The following ANKH variants were observed in gnomAD, a reference collection of about 807,000 sequenced individuals.
ANKH encodes mineralization regulator ANKH.
In ANKH, 15 loss-of-function variants were observed where a neutral mutation model predicts 49.0. That is an observed-to-expected ratio of 0.31 (90% confidence interval 0.20 to 0.47). ANKH has a LOEUF of 0.47. Ranked by LOEUF, ANKH falls within the 20% of genes least tolerant of loss-of-function variation. The probability of loss-of-function intolerance (pLI) is 1.00; values close to 1 mark genes in which losing one functional copy is unlikely to be tolerated. For missense variants in ANKH, 429 were observed against 652.0 expected (o/e 0.66, Z 3.72); for synonymous variants, 273 against 260.0 (o/e 1.05, Z -0.48).
At chr5:14,812,359 T>C (rs1200303490) in intron 1 of ANKH, among the ~76,000 whole-genome samples, 1 of 152,164 alleles carries the variant, frequency 6.6e-6, no homozygotes, top group East Asian at 1.9e-4. Context: ...ACGCACTGGC[T>C]GCCTCCTTCA....
chr5:14,733,930 G>A (rs551246146), intron 8 of ANKH, among the ~76,000 whole-genome samples: 2 of 152,324 alleles, frequency 1.3e-5, no homozygotes, highest in South Asian at 4.1e-4. Context: ...TCTGTACACT[G>A]TCTTTAAGCT....
intron 1 of ANKH, among the ~76,000 whole-genome samples, chr5:14,819,019 C>T (rs764470916): frequency 1.3e-5 from 2 of 152,052 alleles, no homozygotes; most frequent in Non-Finnish European, 2.9e-5. Flanking sequence ...ACACAGAGAC[C>T]GAAAGTGGCT....
intron 1 of ANKH, among the ~76,000 whole-genome samples, chr5:14,842,452 AT>A (rs1363886433): frequency 1.3e-5 from 2 of 152,150 alleles, no homozygotes; most frequent in Non-Finnish European, 2.9e-5. Context: ...GAGTCCTAGG[AT>A]AGTCCTGGTT....
At chr5:14,815,017 T>A (rs1740990051) in intron 1 of ANKH, among the ~76,000 whole-genome samples, 1 of 152,212 alleles carries the variant, frequency 6.6e-6, no homozygotes, top group African/African-American at 2.4e-5. Flanking sequence ...ATCCTGAGCC[T>A]TGAAGTTGGT....
At chr5:14,831,254 A>C (rs1741497943) in intron 1 of ANKH, among the ~76,000 whole-genome samples, 2 of 152,162 alleles carry the variant, frequency 1.3e-5, no homozygotes. Context: ...AACCCTCTGC[A>C]TTCCTATTGG....
rs534301895 is a variant in ANKH at position 14,817,707 on chromosome 5, A to C, written c.97-48516T>G. ...TTCTGTCTAGAGAATGTTCCCTCTG[A>C]CATGGCTACATAACCTACAGATATA... On this transcript the variant is annotated intron_variant, in intron 1 of 11. Coordinates refer to ENST00000284268, the MANE Select transcript of ANKH (RefSeq NM_054027.6). Among the ~76,000 whole-genome samples the C allele has an allele frequency of 3.7e-4, 57 of 152,354 alleles. 1 individual carries two copies. The highest frequency in any genetic ancestry group is 1.3e-3 in the African/African-American group (54 of 41,590).
At chr5:14,783,334 C>CACACACCAT (rs1739870965) in intron 1 of ANKH, among the ~76,000 whole-genome samples, 1 of 135,348 alleles carries the variant, frequency 7.4e-6, no homozygotes, top group Non-Finnish European at 1.7e-5. Context: ...ACACACACCA[C>CACACACCAT]ACATGGAGAT....
At chr5:14,783,906 T>G (rs1292520874) in intron 1 of ANKH, among the ~76,000 whole-genome samples, 1 of 152,102 alleles carries the variant, frequency 6.6e-6, no homozygotes, top group African/African-American at 2.4e-5. Flanking sequence ...ACTCAGACCT[T>G]GTTTCTGAAA....
intron 1 of ANKH, among the ~76,000 whole-genome samples, chr5:14,800,550 T>C (rs1295542787): frequency 1.3e-5 from 2 of 152,184 alleles, no homozygotes; most frequent in Non-Finnish European, 2.9e-5. Context: ...CAGCCATCAA[T>C]ACAGAAGCAA....
chr5:14,861,416 C>T (rs747138953), intron 1 of ANKH, among the ~76,000 whole-genome samples: 10 of 152,176 alleles, frequency 6.6e-5, no homozygotes, highest in Non-Finnish European at 1.0e-4. Flanking sequence ...GACAAAATGT[C>T]CTAAGAAGCC....
At chr5:14,854,643 C>T (rs1230960714) in intron 1 of ANKH, among the ~76,000 whole-genome samples, 1 of 152,166 alleles carries the variant, frequency 6.6e-6, no homozygotes, top group African/African-American at 2.4e-5. Flanking sequence ...CATGATGGTG[C>T]CACTGCACTC....
intron 1 of ANKH, among the ~76,000 whole-genome samples, chr5:14,814,900 T>C (rs1417378967): frequency 6.6e-6 from 1 of 152,196 alleles, no homozygotes; most frequent in Non-Finnish European, 1.5e-5. Flanking sequence ...GCAGGGCTGC[T>C]AGTTTCAGAA....
chr5:14,789,898 T>A, intron 1 of ANKH, among the ~76,000 whole-genome samples: 1 of 152,142 alleles, frequency 6.6e-6, no homozygotes, highest in East Asian at 1.9e-4. Context: ...TTAGTAGAGA[T>A]TGGGTTTCAC....
rs115811615 is a variant in ANKH, at chr5:14,727,531, G to T, written c.1012-10696C>A. On this transcript the variant is annotated intron_variant, in intron 8 of 11. Transcript: ENST00000284268. Reference sequence around the variant, plus strand: ...CATGACATACCTCAAACAGCAGGGGGCGCCATGCGCCAAGCCCGCAGAGGG... The same window carrying T: ...CATGACATACCTCAAACAGCAGGGGTCGCCATGCGCCAAGCCCGCAGAGGG... 1.9e-3 allele frequency among the ~76,000 whole-genome samples: 284 copies of T among 151,714 alleles called. 1 individual carries two copies. Among genetic ancestry groups the T allele is most frequent in the African/African-American group, 6.6e-3 (271 of 41,318 alleles).
At chr5:14,850,695 G>C (rs1282791801) in intron 1 of ANKH, among the ~76,000 whole-genome samples, 3 of 152,352 alleles carry the variant, frequency 2.0e-5, no homozygotes, top group African/African-American at 7.2e-5. Flanking sequence ...GCTGTGGAGA[G>C]GAAAGGAACC....
intron 1 of ANKH, among the ~76,000 whole-genome samples, chr5:14,771,382 T>G (rs896291330): frequency 1.3e-5 from 2 of 152,120 alleles, no homozygotes; most frequent in African/African-American, 4.8e-5. Context: ...TTAAACATAC[T>G]CCAAGAATGC....
In ANKH at chr5:14,797,993, G is replaced by C. The variant is rs1208497579; in HGVS notation, c.97-28802C>G. The C allele has an allele frequency of 3.8e-6, 6 of 1,561,286 alleles. No homozygotes were observed. In the Admixed American group the frequency reaches 1.0e-4, roughly 26 times the overall value. The stretch of plus-strand genomic sequence containing the variant: ...GAGTCTTTGTTGTGATGATACAAGG[G>C]TTCTGGGGCATATAACGGGCCCTGT... On this transcript the variant is annotated intron_variant, in intron 1 of 11. Transcript: ENST00000284268.
intron 11 of ANKH, 59 bp from the exon 12 acceptor site, chr5:14,711,369 C>G: frequency 1.4e-6 from 2 of 1,453,504 alleles, no homozygotes; most frequent in Non-Finnish European, 1.9e-6. Context: ...CACAGCAGAA[C>G]CACGAGCAGG....
chr5:14,867,300 C>G (rs1048411672), intron 1 of ANKH, among the ~76,000 whole-genome samples: 1 of 152,048 alleles, frequency 6.6e-6, no homozygotes, highest in African/African-American at 2.4e-5. Context: ...CTGCCATTTA[C>G]TACCCGTGTC....
Sources: gnomAD v4.1 joint callset for allele counts (sites outside exome capture counted in the v4.1 genomes callset) on GRCh38, gnomAD v4.1.1 for gene constraint, MANE v1.5 for transcripts, NCBI Gene and HGNC (gene_info 2026-07-23, HGNC 2026-07-21) for gene names.